The following SLC26A11 variants were observed in gnomAD, a reference collection of about 807,000 sequenced individuals.
SLC26A11 encodes sodium-independent sulfate anion transporter.
A neutral mutation model predicts 62.2 loss-of-function variants in SLC26A11; 58 were observed. The observed-to-expected ratio is 0.93, with a 90% CI of 0.76 to 1.16. The LOEUF (loss-of-function observed/expected upper bound fraction) is 1.16. SLC26A11 is among the 50% of genes most tolerant of loss of function. The pLI, the probability that SLC26A11 is intolerant of heterozygous loss-of-function variation, is 0.00. For missense variants in SLC26A11, 790 were observed against 794.3 expected (o/e 0.99, Z 0.06); for synonymous variants, 411 against 368.9 (o/e 1.11, Z -1.31).
At position 80,222,487 on chromosome 17, in the gene SLC26A11, A is replaced by G. The variant is rs2042249466; in HGVS notation, c.235-168A>G. The G allele has an allele frequency of 3.1e-6, 2 of 639,210 alleles. No homozygotes were observed. The highest frequency in any genetic ancestry group is 5.4e-6 in the Non-Finnish European group (2 of 372,428). The allele number at this position is 639,210 out of a possible 1,614,324, so 39.6% of individuals were successfully genotyped here. A position where few individuals can be genotyped will look rare whatever the true frequency, so the allele number is the denominator to read the frequency against. On this transcript the variant is annotated intron_variant, in intron 3 of 17. Transcript: ENST00000361193. The surrounding 1 kb of genome is among the most constrained non-coding windows in gnomAD (Gnocchi z 4.7). ...AGGCCCCAGTTGAGTGCTGCTAAAAAAGTGGCCTCCTGATCACTGCAGGTC... is the reference window on the plus strand; with the variant it reads ...AGGCCCCAGTTGAGTGCTGCTAAAAGAGTGGCCTCCTGATCACTGCAGGTC...
rs1267274367 is a variant in SLC26A11 at position 80,220,512 on chromosome 17, G to A, written c.-214+16G>A. On this transcript the variant is annotated intron_variant, in intron 1 of 17. Coordinates refer to ENST00000361193, the MANE Select transcript of SLC26A11 (RefSeq NM_001166347.2). Reference sequence around the variant, plus strand: ...CGCCGAGTGGGTGAGTCCGTGGCCCGCGAGGGCGGCGAGCGGGGACCAGGG... The same window carrying A: ...CGCCGAGTGGGTGAGTCCGTGGCCCACGAGGGCGGCGAGCGGGGACCAGGG... 4.3e-6 allele frequency: 2 copies of A among 464,608 alleles called. No homozygotes were observed. The highest frequency in any genetic ancestry group is 5.1e-5 in the South Asian group (1 of 19,794). 28.8% of individuals were successfully genotyped at this position (464,608 alleles called of 1,614,324 possible). A position where few individuals can be genotyped will look rare whatever the true frequency, so the allele number is the denominator to read the frequency against.
chr17:80,240,402 ATGCTCCTG>A (rs2042828861), intron 9 of SLC26A11, among the ~76,000 whole-genome samples: 1 of 151,608 alleles, frequency 6.6e-6, no homozygotes, highest in African/African-American at 2.4e-5. Flanking sequence ...TCTTAGATCC[ATGCTCCTG>A]TGCCTTCCCC....
At chr17:80,250,158 T>A (rs2043119694) in intron 16 of SLC26A11, among the ~76,000 whole-genome samples, 1 of 152,100 alleles carries the variant, frequency 6.6e-6, no homozygotes, top group East Asian at 1.9e-4. Context: ...TGTGGTTAAA[T>A]GTGCGCTCTC....
At chr17:80,229,749 C>G (rs982632331) in intron 7 of SLC26A11, among the ~76,000 whole-genome samples, 3 of 151,956 alleles carry the variant, frequency 2.0e-5, no homozygotes, top group Admixed American at 2.0e-4. Flanking sequence ...TTATCTTAAA[C>G]CTTGAGACTC....
In SLC26A11 at chr17:80,222,041, G is replaced by C; in HGVS notation, c.234+247G>C. ...ACTCATGGAGGCCTCAGGAGTTCAA[G>C]ACCAGCCCGACCAAAATGGTGAAAC... On this transcript the variant is annotated intron_variant, in intron 3 of 17. Transcript: ENST00000361193. The surrounding 1 kb of genome is among the most constrained non-coding windows in gnomAD (Gnocchi z 4.7). 2.1e-6 allele frequency: 1 copy of C among 477,264 alleles called. No individual in the cohort carries two copies. Among genetic ancestry groups the C allele is most frequent in the Non-Finnish European group, 3.7e-6 (1 of 273,828 alleles). 29.6% of individuals were successfully genotyped at this position (477,264 alleles called of 1,614,324 possible). A position where few individuals can be genotyped will look rare whatever the true frequency, so the allele number is the denominator to read the frequency against.
rs370179140 is a variant in SLC26A11, at chr17:80,251,362, C to T, written c.1690C>T (p.Leu564=). The change falls in exon 17 of 18, where the codon CTG becomes TTG. Residue 564 remains leucine, a synonymous_variant. Transcript: ENST00000361193. ...PVLRVLLSAD[L]KGFQYFSTLE... The stretch of plus-strand genomic sequence containing the variant: ...TCTCCGTGTCCTGCTGTCCGCTGAC[C>T]TGAAGGGGTTCCAGTACTTCTCTAC... 3.7e-5 allele frequency: 60 copies of T among 1,614,104 alleles called. 1 individual carries two copies. In the African/African-American group the frequency reaches 7.2e-4, roughly 19 times the overall value.
Position 80,221,572 on chromosome 17 carries a change from G to A in SLC26A11, c.12G>A (p.Ser4=), listed in dbSNP as rs1030532951. Residue 4 remains serine (S), a synonymous_variant, in exon 3 of 18, where the codon TCG becomes TCA. Transcript: ENST00000361193. The stretch of plus-strand genomic sequence containing the variant: ...GCCCCACCGTAGAGATGCCTTCTTC[G>A]GTGACGGCGCTGGGTCAGGCCAGGT... MPS[S]VTALGQARSS... 8.1e-6 allele frequency: 13 copies of A among 1,595,710 alleles called. No homozygotes were observed. In the African/African-American group the frequency reaches 9.4e-5, roughly 11 times the overall value.
rs2042702813 is a variant in SLC26A11, at chr17:80,236,711, C to T, written c.737-217C>T. ...GGAGCTTGGCAGCAGGTGGCATGTGCACCTGTCCGCAGCCTGCAGCTCTGC... is the reference window on the plus strand; with the variant it reads ...GGAGCTTGGCAGCAGGTGGCATGTGTACCTGTCCGCAGCCTGCAGCTCTGC... On this transcript the variant is annotated intron_variant, in intron 7 of 17. Transcript: ENST00000361193. 4 of 519,688 alleles carry T rather than the reference C, an allele frequency of 7.7e-6. No homozygotes were observed. In the South Asian group the frequency reaches 9.5e-5, roughly 12 times the overall value. 32.2% of individuals were successfully genotyped at this position (519,688 alleles called of 1,614,324 possible).
At chr17:80,241,940 C>G in intron 10 of SLC26A11, 119 bp downstream of exon 10, 1 of 1,137,280 alleles carries the variant, frequency 8.8e-7, no homozygotes, top group Non-Finnish European at 1.3e-6. Context: ...ACTGGGAGGG[C>G]AAAGGTGGCC....
At chr17:80,250,961 C>T (rs1253618273) in intron 16 of SLC26A11, among the ~76,000 whole-genome samples, 4 of 151,386 alleles carry the variant, frequency 2.6e-5, no homozygotes, top group Admixed American at 1.3e-4. Context: ...GGCAACATGA[C>T]GAAACCCCAT....
At chr17:80,224,388 TGAGTGTATGA>T (rs2042333869) in intron 5 of SLC26A11, among the ~76,000 whole-genome samples, 1 of 148,024 alleles carries the variant, frequency 6.8e-6, no homozygotes, top group Non-Finnish European at 1.5e-5. Context: ...CGCGCGTGTG[TGAGTGTATGA>T]GTGTGAGAGT....
chr17:80,246,630 G>A lies in SLC26A11; in HGVS notation c.1275G>A (p.Arg425=), dbSNP rs1267320091. The change falls in exon 13 of 18, where the codon AGG becomes AGA. Residue 425 remains arginine (R), a synonymous_variant. Coordinates refer to ENST00000361193, the MANE Select transcript of SLC26A11 (RefSeq NM_001166347.2). The surrounding 1 kb of genome is among the most constrained non-coding windows in gnomAD (Gnocchi z 4.4). The part of the protein sequence containing the change: ...VAPLFDTKIF[R]TLWRVKRLDL... The stretch of plus-strand genomic sequence containing the variant: ...CGCTGTTCGACACCAAGATCTTCAG[G>A]ACGCTCTGGCGTGTTAAGAGTACGT... The A allele has an allele frequency of 2.5e-6, 4 of 1,613,928 alleles. No individual in the cohort carries two copies. The highest frequency in any genetic ancestry group is 2.2e-5 in the East Asian group (1 of 44,886).
chr17:80,238,071 C>A (rs1481145085), intron 9 of SLC26A11, among the ~76,000 whole-genome samples: 1 of 152,182 alleles, frequency 6.6e-6, no homozygotes, highest in African/African-American at 2.4e-5. Flanking sequence ...TAAGTATTAT[C>A]TTTGGGCCAG....
intron 5 of SLC26A11, among the ~76,000 whole-genome samples, chr17:80,224,733 T>C (rs1389512109): frequency 1.3e-5 from 2 of 152,158 alleles, no homozygotes; most frequent in African/African-American, 4.8e-5. Flanking sequence ...GTGTCAAGAA[T>C]GTTCTTTTGT....
intron 7 of SLC26A11, among the ~76,000 whole-genome samples, chr17:80,234,028 A>C (rs999725327): frequency 6.6e-6 from 1 of 151,520 alleles, no homozygotes; most frequent in Admixed American, 6.6e-5. Flanking sequence ...ATTTTGAGAC[A>C]GTGTCTCGCT....
In SLC26A11 at chr17:80,246,624, C is replaced by G. The variant is rs2043005762; in HGVS notation, c.1269C>G (p.Ile423Met). Residue 423 changes from isoleucine to methionine, a missense_variant, in exon 13 of 18, where the codon ATC becomes ATG. Coordinates refer to ENST00000361193, the MANE Select transcript of SLC26A11 (RefSeq NM_001166347.2). The surrounding 1 kb of genome is among the most constrained non-coding windows in gnomAD (Gnocchi z 4.4). Reference sequence around the variant, plus strand: ...TGGCCCCGCTGTTCGACACCAAGATCTTCAGGACGCTCTGGCGTGTTAAGA... The same window carrying G: ...TGGCCCCGCTGTTCGACACCAAGATGTTCAGGACGCTCTGGCGTGTTAAGA... Reference protein sequence around the residue: ...MAVAPLFDTKIFRTLWRVKRL... With the variant: ...MAVAPLFDTKMFRTLWRVKRL... The G allele has an allele frequency of 6.2e-7, 1 of 1,613,856 alleles. No homozygotes were observed. The highest frequency in any genetic ancestry group is 8.5e-7 in the Non-Finnish European group (1 of 1,179,998).
intron 9 of SLC26A11, among the ~76,000 whole-genome samples, chr17:80,241,278 G>C (rs1365111600): frequency 1.3e-5 from 2 of 152,122 alleles, no homozygotes. Flanking sequence ...GTTGTTGTTT[G>C]AGACAGGGTC....
intron 14 of SLC26A11, 141 bp from the exon 15 acceptor site, chr17:80,248,434 C>A: frequency 1.6e-6 from 2 of 1,233,028 alleles, no homozygotes; most frequent in Non-Finnish European, 2.2e-6. Context: ...TGTGTGGGGG[C>A]CATGGGGGTC....
chr17:80,247,306 A>G (rs1177343700), intron 13 of SLC26A11, among the ~76,000 whole-genome samples: 5 of 151,812 alleles, frequency 3.3e-5, no homozygotes, highest in Non-Finnish European at 1.5e-5. Context: ...CCCCCTTTCT[A>G]TTCCACAAAA....
Sources: allele counts gnomAD v4.1 joint callset (sites outside exome capture counted in the v4.1 genomes callset), GRCh38; gene constraint gnomAD v4.1.1; non-coding constraint Gnocchi (gnomAD v3.1); transcripts MANE v1.5; gene names NCBI Gene and HGNC (gene_info 2026-07-23, HGNC 2026-07-21).